SMIM35: variants seen among roughly 807,000 people sequenced by gnomAD.
The protein encoded by SMIM35 is TMPRSS4 antisense RNA 1 (non-protein coding).
intron 1 of SMIM35, among the ~76,000 whole-genome samples, chr11:118,086,084 A>G (rs908474740): frequency 4.6e-5 from 7 of 152,222 alleles, no homozygotes; most frequent in Admixed American, 3.3e-4. Flanking sequence ...GGGCATGTAC[A>G]AATACCTCAC....
intron 1 of SMIM35, among the ~76,000 whole-genome samples, chr11:118,019,505 G>A (rs562418309): frequency 4.6e-5 from 7 of 152,316 alleles, no homozygotes; most frequent in African/African-American, 1.7e-4. Flanking sequence ...GCTGGACAGA[G>A]ACAAGGACTC....
intron 4 of SMIM35, among the ~76,000 whole-genome samples, chr11:118,006,875 G>A (rs1565377701): frequency 6.6e-6 from 1 of 152,146 alleles, no homozygotes; most frequent in Non-Finnish European, 1.5e-5. Flanking sequence ...AGACCAAATG[G>A]GAAGGCAAGG....
intron 1 of SMIM35, among the ~76,000 whole-genome samples, chr11:118,056,676 G>T (rs886449363): frequency 3.3e-5 from 5 of 152,150 alleles, no homozygotes; most frequent in Admixed American, 1.3e-4. Flanking sequence ...AAAAGAGAGG[G>T]CCACAGAGGA....
intron 1 of SMIM35, among the ~76,000 whole-genome samples, chr11:118,054,635 T>C (rs1565393546): frequency 6.6e-6 from 1 of 152,154 alleles, no homozygotes. Flanking sequence ...ACCTGAGTGT[T>C]TATGCGTGCA....
At chr11:118,028,740 T>C in intron 1 of SMIM35, 1 of 406,618 alleles carries the variant, frequency 2.5e-6, no homozygotes, top group Non-Finnish European at 4.9e-6. Context: ...AATTAGGAGG[T>C]TGGGGAAGAA....
chr11:118,045,736 C>G (rs924794455), intron 1 of SMIM35, among the ~76,000 whole-genome samples: 2 of 152,196 alleles, frequency 1.3e-5, no homozygotes, highest in African/African-American at 4.8e-5. Context: ...TTCACTCTCT[C>G]TCTGATAATG....
At chr11:118,068,585 A>T (rs1290368971) in intron 1 of SMIM35, among the ~76,000 whole-genome samples, 1 of 152,152 alleles carries the variant, frequency 6.6e-6, no homozygotes, top group Admixed American at 6.5e-5. Context: ...TTTCATTCTC[A>T]GCCTGAACCC....
chr11:118,045,951 T>C (rs1944092135), intron 1 of SMIM35, among the ~76,000 whole-genome samples: 1 of 152,216 alleles, frequency 6.6e-6, no homozygotes, highest in Admixed American at 6.5e-5. Flanking sequence ...GAAATGGGGA[T>C]TAAAATATTA....
intron 1 of SMIM35, among the ~76,000 whole-genome samples, chr11:118,028,496 C>T (rs910876574): frequency 6.6e-6 from 1 of 152,136 alleles, no homozygotes; most frequent in East Asian, 1.9e-4. Flanking sequence ...TTCCAGTAGT[C>T]CTGGGTCTGG....
intron 1 of SMIM35, among the ~76,000 whole-genome samples, chr11:118,065,560 G>A (rs773563034): frequency 2.6e-5 from 4 of 152,122 alleles, no homozygotes; most frequent in African/African-American, 7.2e-5. Flanking sequence ...TTCCACAGGC[G>A]AATCAGACAT....
At chr11:118,039,021 A>G (rs572081718) in intron 1 of SMIM35, among the ~76,000 whole-genome samples, 1 of 152,326 alleles carries the variant, frequency 6.6e-6, no homozygotes, top group African/African-American at 2.4e-5. Context: ...ACAGGGTCTT[A>G]TCATCCATTT....
At chr11:118,069,253 T>C in intron 1 of SMIM35, among the ~76,000 whole-genome samples, 1 of 152,228 alleles carries the variant, frequency 6.6e-6, no homozygotes. Context: ...ATTAGATATC[T>C]TATATATGCA....
At position 118,036,815 on chromosome 11, in the gene SMIM35, CA is replaced by C. The variant is rs2058362756; in HGVS notation, c.8-21007del. On this transcript the variant is annotated intron_variant, in intron 1 of 4. Coordinates refer to ENST00000689828, the MANE Select transcript of SMIM35 (RefSeq NM_001394165.1). ...ATTGCAAGATTTAATAGAGTGAAAA[CA>C]GAGCTCCCATACAAAGGGAGGGGAC... Among the ~76,000 whole-genome samples the C allele has an allele frequency of 9.2e-5, 14 of 152,314 alleles. 1 individual carries two copies. In the South Asian group the frequency reaches 2.9e-3, roughly 32 times the overall value.
rs1004514353 is a variant in SMIM35 at position 118,015,797 on chromosome 11, A to T, written c.20T>A (p.Ile7Asn). Residue 7 changes from isoleucine to asparagine, a missense_variant, in exon 2 of 5, where the codon ATC becomes AAC. By Grantham distance (149) the Ile-to-Asn change is moderately radical. Transcript: ENST00000689828. MTGEDS[I>N]STLGLILGVG... is the part of the protein sequence containing the mutation. The stretch of plus-strand genomic sequence containing the variant: ...GCCAAGGATCAGGCCCAAGGTGCTG[A>T]TGGAGTCCTCACCTGCAGAGACATG... The T allele has an allele frequency of 7.5e-6, 3 of 399,154 alleles. No homozygotes were observed. Among genetic ancestry groups the T allele is most frequent in the African/African-American group, 6.2e-5 (3 of 48,604 alleles). 24.7% of individuals were successfully genotyped at this position (399,154 alleles called of 1,614,324 possible). A position where few individuals can be genotyped will look rare whatever the true frequency, so the allele number is the denominator to read the frequency against.
chr11:118,018,856 T>C (rs2058204175), intron 1 of SMIM35, among the ~76,000 whole-genome samples: 1 of 152,234 alleles, frequency 6.6e-6, no homozygotes, highest in Non-Finnish European at 1.5e-5. Context: ...TTAGTCTTTT[T>C]TTTAATACTT....
intron 1 of SMIM35, among the ~76,000 whole-genome samples, chr11:118,027,318 C>T (rs1460179816): frequency 3.4e-5 from 5 of 149,116 alleles, no homozygotes; most frequent in Admixed American, 6.6e-5. Flanking sequence ...TGAGCCACCG[C>T]GCCCGGCCCA....
chr11:118,010,176 T>G (rs545281268), intron 4 of SMIM35, among the ~76,000 whole-genome samples: 86 of 152,350 alleles, frequency 5.6e-4, no homozygotes, highest in Non-Finnish European at 9.3e-4. Context: ...CTCCTCCTTT[T>G]GATCACTAAG....
intron 1 of SMIM35, among the ~76,000 whole-genome samples, chr11:118,054,866 C>T (rs56204159): frequency 0.24 from 36,750 of 150,304 alleles, 5,202 homozygotes; most frequent in Non-Finnish European, 0.32. Context: ...TGCAGTGGCC[C>T]GATCTCTGCT....
chr11:118,026,828 T>G (rs186806907), intron 1 of SMIM35, among the ~76,000 whole-genome samples: 85 of 152,086 alleles, frequency 5.6e-4, no homozygotes, highest in African/African-American at 1.9e-3. Context: ...AAATATAAAA[T>G]GCAGGTCTTA....
Sources: allele counts gnomAD v4.1 joint callset (sites outside exome capture counted in the v4.1 genomes callset), GRCh38; gene constraint gnomAD v4.1.1; transcripts MANE v1.5; gene names NCBI Gene and HGNC (gene_info 2026-07-23, HGNC 2026-07-21).